The following TRPC5 variants were observed in gnomAD, a reference collection of about 807,000 sequenced individuals.
The protein encoded by TRPC5 is transient receptor potential cation channel subfamily C member 5.
A neutral mutation model predicts 56.5 loss-of-function variants in TRPC5; 9 were observed. That is an observed-to-expected ratio of 0.16 (90% CI 0.10 to 0.28). TRPC5 has a LOEUF of 0.28. TRPC5 is among the 10% of genes least tolerant of loss of function. The pLI is 1.00. For synonymous variants in TRPC5, 282 were observed against 278.5 expected (o/e 1.01, Z -0.13); for missense variants, 469 against 748.9 (o/e 0.63, Z 4.36).
At chrX:112,048,399 CAAAA>C (rs58537492) in intron 1 of TRPC5, among the ~76,000 whole-genome samples, 4 of 21,479 alleles carry the variant, frequency 1.9e-4, no homozygotes, top group Non-Finnish European at 2.5e-4. Flanking sequence ...GACTCCGTAT[CAAAA>C]AAAAAAAAAA....
intron 1 of TRPC5, among the ~76,000 whole-genome samples, chrX:111,973,571 A>G (rs1261700348): frequency 4.5e-5 from 5 of 111,685 alleles, no homozygotes; most frequent in Non-Finnish European, 7.5e-5. Flanking sequence ...TTCTCCTTGC[A>G]TACTGGCTTA....
At chrX:111,845,714 T>C (rs1299911022) in intron 6 of TRPC5, among the ~76,000 whole-genome samples, 1 of 112,354 alleles carries the variant, frequency 8.9e-6, no homozygotes. Context: ...CTGTGAGTTC[T>C]GTCTCTAGAG....
chrX:111,954,905 A>G (rs983780232), intron 1 of TRPC5, among the ~76,000 whole-genome samples: 9 of 112,054 alleles, frequency 8.0e-5, no homozygotes, highest in Non-Finnish European at 1.7e-4. Flanking sequence ...TTATAAAAAT[A>G]ATCATTAGTT....
chrX:111,975,589 C>A (rs1049045475), intron 1 of TRPC5, among the ~76,000 whole-genome samples: 1 of 110,870 alleles, frequency 9.0e-6, no homozygotes, highest in Admixed American at 9.6e-5. Context: ...CCCACACCCC[C>A]CGACAGACTA....
chrX:111,804,406 G>C (rs1277657780), intron 7 of TRPC5, among the ~76,000 whole-genome samples: 1 of 111,815 alleles, frequency 8.9e-6, no homozygotes, highest in Non-Finnish European at 1.9e-5. Flanking sequence ...TTGGTAGCTT[G>C]ATGGGGATGG....
intron 1 of TRPC5, among the ~76,000 whole-genome samples, chrX:112,019,797 T>C (rs1248287949): frequency 9.0e-6 from 1 of 111,367 alleles, no homozygotes; most frequent in Admixed American, 9.5e-5. Context: ...CTTCTGGTAG[T>C]GATCATTGGC....
At chrX:111,905,890 G>C (rs1176696021) in intron 3 of TRPC5, among the ~76,000 whole-genome samples, 4 of 99,714 alleles carry the variant, frequency 4.0e-5, no homozygotes, top group African/African-American at 1.6e-4. Context: ...ACTCCAGCCT[G>C]GGCGACAGAG....
At chrX:111,872,756 A>G (rs1240033669) in intron 3 of TRPC5, among the ~76,000 whole-genome samples, 1 of 112,313 alleles carries the variant, frequency 8.9e-6, no homozygotes, top group Non-Finnish European at 1.9e-5. Flanking sequence ...TATGAAAAAA[A>G]AATGCTCAAC....
chrX:111,882,386 G>A (rs192036113), intron 3 of TRPC5, among the ~76,000 whole-genome samples: 6 of 112,200 alleles, frequency 5.3e-5, no homozygotes, highest in Non-Finnish European at 9.4e-5. Context: ...ATGACCCAGA[G>A]TACGGCCTGA....
intron 1 of TRPC5, among the ~76,000 whole-genome samples, chrX:112,040,766 T>A (rs370267498): frequency 8.9e-6 from 1 of 111,955 alleles, no homozygotes; most frequent in African/African-American, 3.2e-5. Flanking sequence ...AATTATGATG[T>A]CTACCCTTAA....
At chrX:111,877,755 T>G (rs770184347) in intron 3 of TRPC5, among the ~76,000 whole-genome samples, 6 of 110,456 alleles carry the variant, frequency 5.4e-5, no homozygotes, top group South Asian at 7.7e-4. Flanking sequence ...GAGGAAACGG[T>G]GAGAGAGAAA....
At chrX:111,922,747 G>C (rs746193984) in intron 2 of TRPC5, among the ~76,000 whole-genome samples, 2 of 111,945 alleles carry the variant, frequency 1.8e-5, no homozygotes, top group African/African-American at 6.5e-5. Flanking sequence ...ATTTAGATTG[G>C]AAGACTGAAA....
At position 111,769,747 on chromosome X, in the gene TRPC5, A is replaced by G. The variant is rs918883454; in HGVS notation, c.*6566T>C. Among the ~76,000 whole-genome samples the G allele has an allele frequency of 8.9e-6, 1 of 112,144 alleles. No homozygotes were observed. The highest frequency in any genetic ancestry group is 1.9e-5 in the Non-Finnish European group (1 of 53,157). On this transcript the variant is annotated 3_prime_UTR_variant, in exon 11 of 11. Coordinates refer to ENST00000262839, the MANE Select transcript of TRPC5 (RefSeq NM_012471.3). ...GCACCTATCAAAGTGCCTATTGTGT[A>G]GTAGCACTTGAAAATGTTTTTTGTT...
At chrX:111,845,049 G>A (rs1281291770) in intron 6 of TRPC5, among the ~76,000 whole-genome samples, 1 of 109,365 alleles carries the variant, frequency 9.1e-6, no homozygotes, top group Non-Finnish European at 1.9e-5. Context: ...ACCAGCCTGG[G>A]CAACATGGCA....
chrX:111,944,645 G>T (rs1232567383), intron 2 of TRPC5, among the ~76,000 whole-genome samples: 1 of 111,184 alleles, frequency 9.0e-6, no homozygotes, highest in African/African-American at 3.3e-5. Context: ...TAAATCAAAT[G>T]ACTGGTATCT....
At chrX:111,945,945 A>G (rs1196834913) in intron 2 of TRPC5, among the ~76,000 whole-genome samples, 1 of 112,597 alleles carries the variant, frequency 8.9e-6, no homozygotes, top group African/African-American at 3.2e-5. Flanking sequence ...TCCTTCAGAA[A>G]GTCTGTGTTT....
intron 7 of TRPC5, among the ~76,000 whole-genome samples, chrX:111,792,822 A>G (rs866996093): frequency 2.7e-5 from 3 of 111,849 alleles, no homozygotes; most frequent in South Asian, 7.6e-4. Context: ...GGCATGATTG[A>G]CTCTTATCAT....
intron 7 of TRPC5, among the ~76,000 whole-genome samples, chrX:111,830,541 A>G (rs1432933519): frequency 2.7e-5 from 3 of 110,563 alleles, no homozygotes; most frequent in Non-Finnish European, 5.7e-5. Context: ...TAGGGGAGGG[A>G]CCTCCTGGGG....
intron 2 of TRPC5, among the ~76,000 whole-genome samples, chrX:111,936,614 G>C (rs1218956087): frequency 9.8e-6 from 1 of 101,620 alleles, no homozygotes; most frequent in African/African-American, 3.6e-5. Context: ...TTGTTCTTGC[G>C]ATAGTTTACT....
Sources: allele counts gnomAD v4.1 joint callset (sites outside exome capture counted in the v4.1 genomes callset), GRCh38; gene constraint gnomAD v4.1.1; transcripts MANE v1.5; gene names NCBI Gene and HGNC (gene_info 2026-07-23, HGNC 2026-07-21).